The following CDK14 variants were observed in gnomAD, a reference collection of about 807,000 sequenced individuals.
CDK14 encodes the protein cyclin dependent kinase 14.
Under a neutral mutation model 60.7 loss-of-function variants are expected in CDK14, and 34 were observed. That is an observed-to-expected ratio of 0.56 (90% confidence interval 0.43 to 0.75). CDK14 has a LOEUF of 0.75. Ranked by LOEUF, CDK14 falls within the 30% of genes least tolerant of loss-of-function variation. CDK14 has a pLI of 0.00. For synonymous variants in CDK14, 197 were observed against 203.7 expected (o/e 0.97, Z 0.28); for missense variants, 482 against 564.1 (o/e 0.85, Z 1.47).
chr7:91,066,134 G>C (rs1219021453), intron 11 of CDK14, among the ~76,000 whole-genome samples: 1 of 152,134 alleles, frequency 6.6e-6, no homozygotes, highest in East Asian at 1.9e-4. Flanking sequence ...ATCCTAAATT[G>C]AAATTGTGAG....
chr7:90,863,020 AG>A (rs1419803939), intron 5 of CDK14, among the ~76,000 whole-genome samples, 154 bp from the exon 6 acceptor site: 3 of 152,196 alleles, frequency 2.0e-5, no homozygotes, highest in African/African-American at 7.2e-5. Context: ...TCTCAAAAAA[AG>A]TCTTGTTTTT....
chr7:91,178,021 G>A (rs1186605869), intron 14 of CDK14, among the ~76,000 whole-genome samples: 116 of 109,080 alleles, frequency 1.1e-3, no homozygotes, highest in African/African-American at 4.0e-3. Context: ...TAAGCCAAAA[G>A]AACAAAGCTG....
chr7:91,110,084 A>G (rs1037497841), intron 12 of CDK14, among the ~76,000 whole-genome samples: 1 of 152,122 alleles, frequency 6.6e-6, no homozygotes, highest in African/African-American at 2.4e-5. Flanking sequence ...AAAACTTCCA[A>G]TTAAGATATC....
intron 2 of CDK14, among the ~76,000 whole-genome samples, chr7:90,613,172 G>A (rs899259238): frequency 6.6e-6 from 1 of 152,154 alleles, no homozygotes; most frequent in Non-Finnish European, 1.5e-5. Context: ...ATTCAGAGAG[G>A]AAGTACATGT....
At chr7:90,845,602 T>C (rs539188878) in intron 5 of CDK14, among the ~76,000 whole-genome samples, 35 of 152,198 alleles carry the variant, frequency 2.3e-4, no homozygotes, top group African/African-American at 7.5e-4. Context: ...TTTTGCCAGC[T>C]CACTTTTCTG....
chr7:90,826,617 G>A (rs1338716222), intron 5 of CDK14, among the ~76,000 whole-genome samples: 1 of 151,946 alleles, frequency 6.6e-6, no homozygotes, highest in African/African-American at 2.4e-5. Context: ...GGAGTTTTTT[G>A]TTTTTTAAAA....
At chr7:90,925,767 G>A (rs1018222021) in intron 8 of CDK14, among the ~76,000 whole-genome samples, 1 of 152,174 alleles carries the variant, frequency 6.6e-6, no homozygotes, top group Non-Finnish European at 1.5e-5. Flanking sequence ...GCGGGAGATG[G>A]TGTTACTTTT....
intron 2 of CDK14, among the ~76,000 whole-genome samples, chr7:90,719,053 G>T (rs1264752599): frequency 2.0e-5 from 3 of 152,026 alleles, no homozygotes; most frequent in Non-Finnish European, 4.4e-5. Flanking sequence ...TTTATATTGG[G>T]AGCAGATTTT....
intron 14 of CDK14, among the ~76,000 whole-genome samples, chr7:91,198,138 C>A (rs1390456048): frequency 6.6e-6 from 1 of 152,174 alleles, no homozygotes; most frequent in African/African-American, 2.4e-5. Flanking sequence ...CACAATGTGT[C>A]ACTTCATGTC....
At chr7:90,751,523 C>G (rs1257956270) in intron 4 of CDK14, among the ~76,000 whole-genome samples, 1 of 152,030 alleles carries the variant, frequency 6.6e-6, no homozygotes, top group Non-Finnish European at 1.5e-5. Context: ...TAAGGGTGTT[C>G]TAAACATGGA....
intron 9 of CDK14, among the ~76,000 whole-genome samples, chr7:90,958,292 A>G (rs1238597481): frequency 6.6e-6 from 1 of 152,142 alleles, no homozygotes; most frequent in Non-Finnish European, 1.5e-5. Flanking sequence ...TACCTGCAAC[A>G]TTTTGTGTAC....
intron 5 of CDK14, among the ~76,000 whole-genome samples, chr7:90,805,804 C>T (rs1788804283): frequency 6.6e-6 from 1 of 151,826 alleles, no homozygotes. Flanking sequence ...TCATATATTA[C>T]ATTATATGAA....
intron 14 of CDK14, among the ~76,000 whole-genome samples, chr7:91,135,594 A>G (rs1162662738): frequency 6.6e-6 from 1 of 152,112 alleles, no homozygotes; most frequent in African/African-American, 2.4e-5. Context: ...AGATTTCAGT[A>G]TTGTCAGTCA....
chr7:90,951,667 G>A (rs1562842227), intron 8 of CDK14, among the ~76,000 whole-genome samples: 1 of 152,176 alleles, frequency 6.6e-6, no homozygotes, highest in Admixed American at 6.5e-5. Context: ...ATAATTAAAT[G>A]TACATGGAAT....
At chr7:91,189,925 C>T (rs1419216846) in intron 14 of CDK14, among the ~76,000 whole-genome samples, 2 of 152,136 alleles carry the variant, frequency 1.3e-5, no homozygotes, top group African/African-American at 2.4e-5. Context: ...AGCTGTGAGT[C>T]GTTAGGTAAA....
At chr7:90,900,939 T>G (rs781477713) in intron 7 of CDK14, among the ~76,000 whole-genome samples, 7 of 152,218 alleles carry the variant, frequency 4.6e-5, no homozygotes, top group Non-Finnish European at 8.8e-5. Flanking sequence ...CATTGCTGTG[T>G]TCTCTGTCCT....
chr7:90,947,447 T>C (rs1794133829), intron 8 of CDK14, among the ~76,000 whole-genome samples: 1 of 152,206 alleles, frequency 6.6e-6, no homozygotes, highest in South Asian at 2.1e-4. Context: ...TTAGTTTCTC[T>C]AGGCATTAGT....
rs568629588 is a variant in CDK14, at chr7:90,662,761, A to G, written c.123+58512A>G. Among the ~76,000 whole-genome samples the G allele has an allele frequency of 9.2e-5, 14 of 152,308 alleles. No homozygotes were observed. In the South Asian group the frequency reaches 2.7e-3, roughly 29 times the overall value. On this transcript the variant is annotated intron_variant, in intron 2 of 14. Coordinates refer to ENST00000380050, the MANE Select transcript of CDK14 (RefSeq NM_001287135.2). ...ATTTTTTATAGCTCATTTATAAGAG[A>G]GGAAATATTTGTAGAAAGGTTTCAT... is the stretch of plus-strand genomic sequence containing the variant.
In CDK14 at chr7:91,068,694, C is replaced by G. The variant is rs890130834; in HGVS notation, c.1106-10738C>G. ...CTGCATTCACTCGGTTCCCATAGCC[C>G]AAGTCATATTGTCTCTCTCCTGGAC... On this transcript the variant is annotated intron_variant, in intron 11 of 14. Transcript: ENST00000380050. Among the ~76,000 whole-genome samples the G allele has an allele frequency of 7.2e-5, 11 of 151,792 alleles. 1 individual carries two copies. The highest frequency in any genetic ancestry group is 2.7e-4 in the African/African-American group (11 of 41,340).
Sources: allele counts gnomAD v4.1 joint callset (sites outside exome capture counted in the v4.1 genomes callset), GRCh38; gene constraint gnomAD v4.1.1; transcripts MANE v1.5; gene names NCBI Gene and HGNC (gene_info 2026-07-23, HGNC 2026-07-21).